NR6A1: variants seen among roughly 807,000 people sequenced by gnomAD.
The protein encoded by NR6A1 is retinoic acid receptor-related testis-associated receptor.
Under a neutral mutation model 59.1 loss-of-function variants are expected in NR6A1, and 7 were observed. The ratio of observed to expected loss-of-function variants is 0.12; its 90% CI spans 0.07 to 0.22. NR6A1 has a LOEUF of 0.22. Among genes scored for constraint, NR6A1 ranks in the 10% least tolerant of loss-of-function variants. NR6A1 has a pLI of 1.00. For synonymous variants in NR6A1, 243 were observed against 236.1 expected, an observed-to-expected ratio of 1.03 and a Z score of -0.27; for missense variants, 468 against 611.6, an observed-to-expected ratio of 0.77 and a Z score of 2.48.
chr9:124,614,146 G>GC lies in NR6A1; in HGVS notation c.143-59577dup, dbSNP rs561682927. Among the ~76,000 whole-genome samples the GC allele has an allele frequency of 6.0e-4, 91 of 152,284 alleles. 1 individual carries two copies. In the South Asian group the frequency reaches 0.018, roughly 31 times the overall value. ...GGATTAGAAGCTGGGAGTCCAGGAGGCAGGGCAGCTGGAGTTCACAAAGAA... is the reference window on the plus strand; with the variant it reads ...GGATTAGAAGCTGGGAGTCCAGGAGGCCAGGGCAGCTGGAGTTCACAAAGAA... On this transcript the variant is annotated intron_variant, in intron 2 of 9. Transcript: ENST00000487099.
rs1835798759 is a variant in NR6A1, at chr9:124,612,989, G to A, written c.143-58419C>T. ...AGGAATGTACCTTACAGAAGTACTT[G>A]TGCAGGAGTGAGAAGATATTCATGG... On this transcript the variant is annotated intron_variant, in intron 2 of 9. Coordinates refer to ENST00000487099, the MANE Select transcript of NR6A1 (RefSeq NM_033334.4). Among the ~76,000 whole-genome samples the A allele has an allele frequency of 1.3e-5, 2 of 152,164 alleles. 1 individual carries two copies. Among genetic ancestry groups the A allele is most frequent in the South Asian group, 4.1e-4 (2 of 4,828 alleles).
chr9:124,598,917 T>TG, intron 2 of NR6A1: 1 of 701,734 alleles, frequency 1.4e-6, no homozygotes, highest in South Asian at 1.5e-5. Flanking sequence ...AGCTCTGGCT[T>TG]GGGGCACTCG....
intron 2 of NR6A1, among the ~76,000 whole-genome samples, chr9:124,611,483 C>G (rs1258292882): frequency 6.6e-6 from 1 of 152,102 alleles, no homozygotes; most frequent in Non-Finnish European, 1.5e-5. Flanking sequence ...CACCTCTGAT[C>G]CTAACACTTT....
chr9:124,638,286 G>A (rs1224976240), intron 2 of NR6A1, among the ~76,000 whole-genome samples: 8 of 151,554 alleles, frequency 5.3e-5, no homozygotes, highest in Admixed American at 1.3e-4. Flanking sequence ...AAAGTTCAAG[G>A]ACCCTTTGAA....
At chr9:124,542,343 T>C (rs1564171668) in intron 4 of NR6A1, among the ~76,000 whole-genome samples, 1 of 152,258 alleles carries the variant, frequency 6.6e-6, no homozygotes, top group Non-Finnish European at 1.5e-5. Flanking sequence ...ATGTACGCTG[T>C]GCTCATATGA....
At chr9:124,615,800 A>C (rs1835872482) in intron 2 of NR6A1, among the ~76,000 whole-genome samples, 2 of 152,126 alleles carry the variant, frequency 1.3e-5, no homozygotes. Flanking sequence ...AAACTTTGCC[A>C]CTTAGTACTT....
intron 2 of NR6A1, among the ~76,000 whole-genome samples, chr9:124,585,603 C>T (rs1212448855): frequency 6.7e-6 from 1 of 150,166 alleles, no homozygotes; most frequent in Non-Finnish European, 1.5e-5. Context: ...ATGTAGAAGC[C>T]GCAGCAAGTT....
intron 2 of NR6A1, among the ~76,000 whole-genome samples, chr9:124,609,005 T>C (rs1054493016): frequency 2.6e-5 from 4 of 152,226 alleles, no homozygotes; most frequent in African/African-American, 9.7e-5. Context: ...TCCTTTTAAA[T>C]TTGATTAAGT....
chr9:124,736,130 G>C lies in NR6A1; in HGVS notation c.101-2781C>G, dbSNP rs574936766. Reference sequence around the variant, plus strand: ...AACGGGACAAAAGTACAGGAAAGCAGGCTGGTACAATGGGAAGGTTAGACC... The same window carrying C: ...AACGGGACAAAAGTACAGGAAAGCACGCTGGTACAATGGGAAGGTTAGACC... On this transcript the variant is annotated intron_variant, in intron 1 of 9. Transcript: ENST00000487099. 3.9e-5 allele frequency among the ~76,000 whole-genome samples: 6 copies of C among 152,310 alleles called. No individual in the cohort carries two copies. The East Asian group carries it at 1.2e-3, about 29-fold the overall frequency.
intron 2 of NR6A1, chr9:124,599,164 CG>C: frequency 3.5e-6 from 2 of 579,706 alleles, no homozygotes; most frequent in Non-Finnish European, 6.5e-6. Context: ...CCTCTTTGGC[CG>C]GGGGCGGTGG....
intron 1 of NR6A1, among the ~76,000 whole-genome samples, chr9:124,746,610 A>C (rs902703073): frequency 6.6e-6 from 1 of 152,216 alleles, no homozygotes; most frequent in African/African-American, 2.4e-5. Flanking sequence ...AGAAAAAAAA[A>C]CAATAATTCC....
chr9:124,670,216 CAAA>C (rs1245931470), intron 2 of NR6A1, among the ~76,000 whole-genome samples: 5 of 82,110 alleles, frequency 6.1e-5, no homozygotes, highest in Admixed American at 1.5e-4. Flanking sequence ...CTCATCTCTG[CAAA>C]AAAAAAAAAA....
At chr9:124,596,199 T>G (rs1476995442) in intron 2 of NR6A1, among the ~76,000 whole-genome samples, 1 of 152,148 alleles carries the variant, frequency 6.6e-6, no homozygotes, top group Non-Finnish European at 1.5e-5. Context: ...TCAAGAACTA[T>G]TCTATGCTAT....
intron 2 of NR6A1, among the ~76,000 whole-genome samples, chr9:124,689,463 A>T (rs1838453847): frequency 6.6e-6 from 1 of 152,232 alleles, no homozygotes; most frequent in Admixed American, 6.5e-5. Context: ...AAAGTTTATT[A>T]TAATAAGGTA....
At chr9:124,539,074 C>T (rs1453350585) in intron 5 of NR6A1, among the ~76,000 whole-genome samples, 1 of 151,792 alleles carries the variant, frequency 6.6e-6, no homozygotes, top group Non-Finnish European at 1.5e-5. Context: ...TAATTAACAA[C>T]GACAACAACA....
At chr9:124,582,813 A>G (rs1384595727) in intron 2 of NR6A1, among the ~76,000 whole-genome samples, 1 of 152,188 alleles carries the variant, frequency 6.6e-6, no homozygotes, top group Non-Finnish European at 1.5e-5. Flanking sequence ...GTTTGAGCAT[A>G]AGAGTTCAAG....
chr9:124,690,752 C>A (rs150546041), intron 2 of NR6A1, among the ~76,000 whole-genome samples: 6 of 151,836 alleles, frequency 4.0e-5, no homozygotes, highest in Admixed American at 3.9e-4. Flanking sequence ...ATCCTTGCAC[C>A]GAGTATATAA....
chr9:124,544,806 G>A (rs1202322759), intron 3 of NR6A1, among the ~76,000 whole-genome samples: 3 of 152,152 alleles, frequency 2.0e-5, no homozygotes, highest in Non-Finnish European at 2.9e-5. Flanking sequence ...TGCCAGACTA[G>A]GGTATAACTT....
chr9:124,764,477 C>A (rs1046274845), intron 1 of NR6A1, among the ~76,000 whole-genome samples: 1 of 150,970 alleles, frequency 6.6e-6, no homozygotes, highest in Non-Finnish European at 1.5e-5. Flanking sequence ...TGCTCTTATA[C>A]ACAGATCTAA....
Sources: gnomAD v4.1 joint callset for allele counts (sites outside exome capture counted in the v4.1 genomes callset) on GRCh38, gnomAD v4.1.1 for gene constraint, MANE v1.5 for transcripts, NCBI Gene and HGNC (gene_info 2026-07-23, HGNC 2026-07-21) for gene names.